RUNX1: variants seen among roughly 807,000 people sequenced by gnomAD.
The protein encoded by RUNX1 is RUNX family transcription factor 1, also known as runt-related transcription factor 1.
Under a neutral mutation model 42.8 loss-of-function variants are expected in RUNX1, and 19 were observed. The ratio of observed to expected loss-of-function variants is 0.44; its 90% CI spans 0.31 to 0.65. The LOEUF (loss-of-function observed/expected upper bound fraction) is 0.65. RUNX1 is among the 30% of genes least tolerant of loss of function. RUNX1 has a pLI of 0.07. For missense variants in RUNX1, 528 were observed against 672.0 expected, an observed-to-expected ratio of 0.79 and a Z score of 2.37; for synonymous variants, 271 against 289.4, an observed-to-expected ratio of 0.94 and a Z score of 0.64.
intron 2 of RUNX1, among the ~76,000 whole-genome samples, chr21:35,041,600 A>T (rs1345098711): frequency 6.6e-6 from 1 of 152,182 alleles, no homozygotes; most frequent in African/African-American, 2.4e-5. Flanking sequence ...TAATTTCAAG[A>T]GAAAAACTGA....
chr21:34,896,573 T>A (rs1355399111), intron 2 of RUNX1, among the ~76,000 whole-genome samples: 1 of 152,036 alleles, frequency 6.6e-6, no homozygotes, highest in African/African-American at 2.4e-5. Flanking sequence ...ATCCCAGCTA[T>A]TCAGGAGGCT....
chr21:34,884,872 T>C (rs1050966757), intron 4 of RUNX1, among the ~76,000 whole-genome samples: 25 of 152,334 alleles, frequency 1.6e-4, no homozygotes, highest in African/African-American at 5.8e-4. Flanking sequence ...TAGTAGCCTA[T>C]AGATTATCAC....
chr21:34,960,986 A>G (rs1331568798), intron 2 of RUNX1, among the ~76,000 whole-genome samples: 1 of 152,212 alleles, frequency 6.6e-6, no homozygotes, highest in Non-Finnish European at 1.5e-5. Context: ...AAGATAAAAT[A>G]GTCTTGTAGC....
At chr21:34,823,842 T>C (rs565655658) in intron 7 of RUNX1, among the ~76,000 whole-genome samples, 2 of 152,282 alleles carry the variant, frequency 1.3e-5, no homozygotes, top group African/African-American at 2.4e-5. Context: ...CCTCTGCCCA[T>C]ACTGATTCCC....
chr21:34,818,042 T>C (rs1030073922), intron 7 of RUNX1, among the ~76,000 whole-genome samples: 9 of 152,286 alleles, frequency 5.9e-5, no homozygotes, highest in African/African-American at 1.9e-4. Flanking sequence ...GGGGACAAAG[T>C]CCCCTCTACT....
chr21:34,969,140 C>T (rs957154348), intron 2 of RUNX1, among the ~76,000 whole-genome samples: 3 of 152,192 alleles, frequency 2.0e-5, no homozygotes, highest in Admixed American at 6.5e-5. Flanking sequence ...GGGGCGACTA[C>T]GATGAATTCC....
At chr21:34,999,427 T>C (rs150590843) in intron 2 of RUNX1, among the ~76,000 whole-genome samples, 229 of 152,092 alleles carry the variant, frequency 1.5e-3, no homozygotes, top group Non-Finnish European at 2.5e-3. Flanking sequence ...CAGCTGAGGG[T>C]GAGTGAGTTA....
chr21:34,834,732 A>C, intron 6 of RUNX1, 131 bp from the exon 7 acceptor site: 1 of 793,694 alleles, frequency 1.3e-6, no homozygotes, highest in South Asian at 1.7e-5. Context: ...CCTCACCCCA[A>C]CATAGACTCG....
rs79659327 is a variant in RUNX1 at position 34,927,998 on chromosome 21, C to T, written c.59-35035G>A. Among the ~76,000 whole-genome samples the T allele has an allele frequency of 4.7e-3, 721 of 152,226 alleles. 3 individuals carry two copies. The highest frequency in any genetic ancestry group is 0.034 in the East Asian group (176 of 5,178). On this transcript the variant is annotated intron_variant, in intron 2 of 8. Coordinates refer to ENST00000675419, the MANE Select transcript of RUNX1 (RefSeq NM_001754.5). The stretch of plus-strand genomic sequence containing the variant: ...AAATCAGAATCCTTGAGGGGTAGGA[C>T]CCAGTCTTTGGTGTTTAAAAAAAGT...
chr21:34,903,209 A>AAAT (rs1387203377), intron 2 of RUNX1, among the ~76,000 whole-genome samples: 1 of 152,202 alleles, frequency 6.6e-6, no homozygotes, highest in African/African-American at 2.4e-5. Context: ...TTATTATTAT[A>AAAT]ATCACTAAAA....
chr21:34,848,727 G>A (rs950846576), intron 6 of RUNX1, among the ~76,000 whole-genome samples: 2 of 152,156 alleles, frequency 1.3e-5, no homozygotes, highest in African/African-American at 2.4e-5. Context: ...GAGCTACCGC[G>A]CCCAGCCCCC....
At chr21:35,016,526 G>C (rs908365156) in intron 2 of RUNX1, among the ~76,000 whole-genome samples, 1 of 152,168 alleles carries the variant, frequency 6.6e-6, no homozygotes, top group Non-Finnish European at 1.5e-5. Flanking sequence ...TATTGGAGGA[G>C]GAAGAAGCAG....
chr21:35,004,812 GAA>G (rs904817450), intron 2 of RUNX1, among the ~76,000 whole-genome samples: 33 of 152,300 alleles, frequency 2.2e-4, no homozygotes, highest in African/African-American at 7.7e-4. Context: ...GCTTGCTGGA[GAA>G]GTGTCTGTCT....
chr21:34,894,058 A>C (rs2058109402), intron 2 of RUNX1, among the ~76,000 whole-genome samples: 1 of 152,200 alleles, frequency 6.6e-6, no homozygotes, highest in Non-Finnish European at 1.5e-5. Flanking sequence ...TTAAAGAGCA[A>C]GGCAGAGAAC....
chr21:34,791,951 TG>T lies in RUNX1; in HGVS notation c.*183del. On this transcript the variant is annotated 3_prime_UTR_variant, in exon 9 of 9. Transcript: ENST00000675419. ...AGCAGACGGCGGCGGCGTGGGCTTC[TG>T]GGCGCAGGAGGCTGCGCGGGCCTGA... The T allele has an allele frequency of 2.6e-6, 1 of 378,024 alleles. No homozygotes were observed. Among genetic ancestry groups the T allele is most frequent in the Non-Finnish European group, 4.9e-6 (1 of 204,594 alleles). The allele number at this position is 378,024 out of a possible 1,614,324, so 23.4% of individuals were successfully genotyped here.
intron 2 of RUNX1, among the ~76,000 whole-genome samples, chr21:34,994,918 A>T (rs558956219): frequency 6.6e-6 from 1 of 152,334 alleles, no homozygotes; most frequent in African/African-American, 2.4e-5. Context: ...GAAGCAGTTA[A>T]TTGGCTTTCC....
Position 34,887,548 on chromosome 21 carries a change from GT to G in RUNX1, c.98-453del, listed in dbSNP as rs937378216. ...AAGTTCCAGTAGTTAATGCCTGTCAGTTTTTTGCAGGTGAGTTTTGTCTAAA... is the reference window on the plus strand; with the variant it reads ...AAGTTCCAGTAGTTAATGCCTGTCAGTTTTTGCAGGTGAGTTTTGTCTAAA... On this transcript the variant is annotated intron_variant, in intron 3 of 8. Transcript: ENST00000675419. 2.2e-4 allele frequency: 252 copies of G among 1,127,358 alleles called. 4 individuals carry two copies. In the Admixed American group the frequency reaches 9.9e-3, roughly 44 times the overall value. 69.8% of individuals were successfully genotyped at this position (1,127,358 alleles called of 1,614,324 possible).
chr21:34,940,681 A>G (rs1435405885), intron 2 of RUNX1, among the ~76,000 whole-genome samples: 1 of 152,242 alleles, frequency 6.6e-6, no homozygotes, highest in Non-Finnish European at 1.5e-5. Context: ...TAAACTCTTC[A>G]GAAGTCTCTC....
At chr21:35,039,587 G>A (rs563580052) in intron 2 of RUNX1, among the ~76,000 whole-genome samples, 2 of 152,210 alleles carry the variant, frequency 1.3e-5, no homozygotes, top group South Asian at 2.1e-4. Flanking sequence ...TAGTTCATAT[G>A]TCTCAGGGTT....
Sources: gnomAD v4.1 joint callset for allele counts (sites outside exome capture counted in the v4.1 genomes callset) on GRCh38, gnomAD v4.1.1 for gene constraint, MANE v1.5 for transcripts, NCBI Gene and HGNC (gene_info 2026-07-23, HGNC 2026-07-21) for gene names.